COL4A1: variants seen among roughly 807,000 people sequenced by gnomAD.
COL4A1 encodes collagen alpha-1(IV) chain.
In COL4A1, 40 loss-of-function variants were observed where a neutral mutation model predicts 216.6. That is an observed-to-expected ratio of 0.18 (90% CI 0.14 to 0.24). The LOEUF (loss-of-function observed/expected upper bound fraction) is 0.24. Among genes scored for constraint, COL4A1 ranks in the 10% least tolerant of loss-of-function variants. The pLI is 1.00. For missense variants in COL4A1, 1,628 were observed against 2,196.8 expected, an observed-to-expected ratio of 0.74 and a Z score of 5.18; for synonymous variants, 839 against 810.7, an observed-to-expected ratio of 1.03 and a Z score of -0.59.
chr13:110,184,433 T>C (rs1878313354), intron 26 of COL4A1, among the ~76,000 whole-genome samples: 1 of 152,228 alleles, frequency 6.6e-6, no homozygotes, highest in Non-Finnish European at 1.5e-5. Context: ...TCCCTATGCC[T>C]GGCTCACCGA....
intron 1 of COL4A1, among the ~76,000 whole-genome samples, chr13:110,276,505 TAC>T (rs1251887395): frequency 6.6e-6 from 1 of 152,182 alleles, no homozygotes; most frequent in African/African-American, 2.4e-5. Flanking sequence ...AGCGTTTTTA[TAC>T]AGGTTGCATG....
At position 110,177,023 on chromosome 13, in the gene COL4A1, G is replaced by A. The variant is rs926805569; in HGVS notation, c.2731C>T (p.Pro911Ser). The A allele has an allele frequency of 3.7e-6, 6 of 1,613,882 alleles. No homozygotes were observed. The Admixed American group carries it at 6.7e-5, about 18-fold the overall frequency. ...TCTCCCCTGGGTCCTGAGGAGCCCGGAAAGCCATGGTCCCCTGCAGAGGAA... is the reference window on the plus strand; with the variant it reads ...TCTCCCCTGGGTCCTGAGGAGCCCGAAAAGCCATGGTCCCCTGCAGAGGAA... ...LPGEKGDHGF[P>S]GSSGPRGDPG... The change falls in exon 34 of 52, where the codon CCG becomes TCG. Residue 911 changes from proline to serine, a missense_variant. Coordinates refer to ENST00000375820, the MANE Select transcript of COL4A1 (RefSeq NM_001845.6).
At position 110,152,543 on chromosome 13, in the gene COL4A1, C is replaced by T. The variant is rs1271932044; in HGVS notation, c.4756-37G>A. 3.1e-6 allele frequency: 5 copies of T among 1,589,918 alleles called. No homozygotes were observed. The East Asian group carries it at 9.0e-5, about 29-fold the overall frequency. ...ATGCGAGCCGTGAGTCAGAGGTTCC[C>T]TCCCCAAACACCAGGAAAGAGATCG... On this transcript the variant is annotated intron_variant, in intron 50 of 51. Transcript: ENST00000375820.
In COL4A1 at chr13:110,149,579, T is replaced by C. The variant is rs1339269000; in HGVS notation, c.*784A>G. On this transcript the variant is annotated 3_prime_UTR_variant, in exon 52 of 52. Coordinates refer to ENST00000375820, the MANE Select transcript of COL4A1 (RefSeq NM_001845.6). ...ATGAAAACGGATGTTTCACATTCAA[T>C]ATCCTAGTCTTTAAAAACCTATGTT... 6.6e-6 allele frequency: 1 copy of C among 152,624 alleles called. No homozygotes were observed. Among genetic ancestry groups the C allele is most frequent in the Non-Finnish European group, 1.5e-5 (1 of 68,028 alleles). The allele number at this position is 152,624 out of a possible 1,614,324, so 9.5% of individuals were successfully genotyped here. A position where few individuals can be genotyped will look rare whatever the true frequency, so the allele number is the denominator to read the frequency against.
chr13:110,255,329 G>A (rs1261167329), intron 1 of COL4A1, among the ~76,000 whole-genome samples: 1 of 151,688 alleles, frequency 6.6e-6, no homozygotes. Flanking sequence ...AAGTGTATTA[G>A]CATGAGGAGG....
chr13:110,283,637 A>G (rs978715509), intron 1 of COL4A1, among the ~76,000 whole-genome samples: 6 of 152,174 alleles, frequency 3.9e-5, no homozygotes, highest in Non-Finnish European at 7.3e-5. Flanking sequence ...ACTCAGGCAC[A>G]TGCACACAGG....
At chr13:110,249,402 A>G (rs1053277986) in intron 1 of COL4A1, among the ~76,000 whole-genome samples, 1 of 152,150 alleles carries the variant, frequency 6.6e-6, no homozygotes, top group African/African-American at 2.4e-5. Context: ...CCCCAGCTGG[A>G]AACAGTTCAA....
At chr13:110,189,708 G>T (rs1027538212) in intron 24 of COL4A1, among the ~76,000 whole-genome samples, 3 of 152,184 alleles carry the variant, frequency 2.0e-5, no homozygotes, top group Non-Finnish European at 4.4e-5. Flanking sequence ...GTTAATATTA[G>T]CTCCTATGCA....
chr13:110,306,886 TCTCGGGGCGCCCAAG>T, intron 1 of COL4A1, 43 bp downstream of exon 1: 5 of 1,405,020 alleles, frequency 3.6e-6, no homozygotes, highest in Admixed American at 2.8e-5. Context: ...CAAAGGGGCC[TCTCGGGGCGCCCAAG>T]CTCGGGGCGG....
chr13:110,304,407 A>G (rs1301681171), intron 1 of COL4A1, among the ~76,000 whole-genome samples: 1 of 152,234 alleles, frequency 6.6e-6, no homozygotes, highest in Non-Finnish European at 1.5e-5. Flanking sequence ...ACTGAGGGGA[A>G]AGTTCACGTT....
At chr13:110,169,937 G>GAGGAAGGGAGGA (rs1877535637) in intron 42 of COL4A1, among the ~76,000 whole-genome samples, 175 bp from the exon 43 acceptor site, 2 of 140,800 alleles carry the variant, frequency 1.4e-5, no homozygotes, top group Non-Finnish European at 1.6e-5. Flanking sequence ...AGGAGGGAGG[G>GAGGAAGGGAGGA]AGGGAGGGAA....
At chr13:110,174,888 A>G in intron 37 of COL4A1, 139 bp from the exon 38 acceptor site, 1 of 968,184 alleles carries the variant, frequency 1.0e-6, no homozygotes, top group Admixed American at 1.7e-5. Flanking sequence ...CTCATCAAAG[A>G]ATCAAAGTCC....
intron 1 of COL4A1, among the ~76,000 whole-genome samples, chr13:110,262,631 C>A (rs1882875168): frequency 6.6e-6 from 1 of 152,202 alleles, no homozygotes. Context: ...GAAGAGGAAG[C>A]ATGGCCCAGG....
chr13:110,161,086 G>T, intron 49 of COL4A1, 106 bp downstream of exon 49: 1 of 1,134,962 alleles, frequency 8.8e-7, no homozygotes, highest in Non-Finnish European at 1.3e-6. Flanking sequence ...TAAGCTAAAT[G>T]GCAATGGATT....
chr13:110,210,591 C>T (rs540049780), intron 8 of COL4A1, among the ~76,000 whole-genome samples: 1 of 152,330 alleles, frequency 6.6e-6, no homozygotes, highest in South Asian at 2.1e-4. Flanking sequence ...AGAAAAGGCT[C>T]AGGATGAATA....
chr13:110,212,397 G>A lies in COL4A1; in HGVS notation c.387+20C>T, dbSNP rs942672736. 1.9e-6 allele frequency: 3 copies of A among 1,612,692 alleles called. No homozygotes were observed. The highest frequency in any genetic ancestry group is 2.5e-6 in the Non-Finnish European group (3 of 1,179,850). On this transcript the variant is annotated intron_variant, in intron 6 of 51. Coordinates refer to ENST00000375820, the MANE Select transcript of COL4A1 (RefSeq NM_001845.6). ...TTACGTAAACACACACAAAAAGGAGGGTCTCGGTTCTGGATTTACCTTTGT... is the reference window on the plus strand; with the variant it reads ...TTACGTAAACACACACAAAAAGGAGAGTCTCGGTTCTGGATTTACCTTTGT...
intron 1 of COL4A1, among the ~76,000 whole-genome samples, chr13:110,293,053 A>G (rs985266784): frequency 6.6e-6 from 1 of 152,190 alleles, no homozygotes; most frequent in African/African-American, 2.4e-5. Context: ...GCACCCCCTA[A>G]AAGTGCAGTC....
At position 110,197,774 on chromosome 13, in the gene COL4A1, T is replaced by C. The variant is rs1039410565; in HGVS notation, c.1285+693A>G. On this transcript the variant is annotated intron_variant, in intron 21 of 51. Coordinates refer to ENST00000375820, the MANE Select transcript of COL4A1 (RefSeq NM_001845.6). ...GCTGGGACTTGAAGCCTGTGAATCC[T>C]TTCTCAATCAACCCCACAGAGGATT... Among the ~76,000 whole-genome samples, 4 of 152,224 alleles carry C rather than the reference T, an allele frequency of 2.6e-5. No homozygotes were observed. In the East Asian group the frequency reaches 5.8e-4, roughly 22 times the overall value.
intron 1 of COL4A1, among the ~76,000 whole-genome samples, chr13:110,256,315 G>A (rs1000037016): frequency 3.3e-5 from 5 of 152,180 alleles, no homozygotes; most frequent in Non-Finnish European, 7.4e-5. Context: ...CAGGATGATT[G>A]CAACAAACCT....
Sources: allele counts gnomAD v4.1 joint callset (sites outside exome capture counted in the v4.1 genomes callset), GRCh38; gene constraint gnomAD v4.1.1; transcripts MANE v1.5; gene names NCBI Gene and HGNC (gene_info 2026-07-23, HGNC 2026-07-21).